Variants in CEP89 observed in about 807,000 individuals in gnomAD.
CEP89 encodes the protein centrosomal protein of 89 kDa.
Under a neutral mutation model 97.6 loss-of-function variants are expected in CEP89, and 95 were observed. The observed-to-expected ratio is 0.97, with a 90% CI of 0.82 to 1.15. CEP89 has a LOEUF of 1.15. CEP89 is among the 50% of genes most tolerant of loss of function. The probability of loss-of-function intolerance (pLI) is 0.00; values close to 1 mark genes in which losing one functional copy is unlikely to be tolerated. For missense variants in CEP89, 869 were observed against 947.7 expected (o/e 0.92, Z 1.09); for synonymous variants, 354 against 349.1 (o/e 1.01, Z -0.16).
At chr19:32,897,326 G>A (rs1284209637) in intron 16 of CEP89, among the ~76,000 whole-genome samples, 1 of 152,206 alleles carries the variant, frequency 6.6e-6, no homozygotes, top group African/African-American at 2.4e-5. Context: ...ACAGTCATGG[G>A]GTCATGGGTG....
chr19:32,889,817 G>A (rs1204975433), intron 16 of CEP89, among the ~76,000 whole-genome samples: 2 of 152,270 alleles, frequency 1.3e-5, no homozygotes, highest in East Asian at 1.9e-4. Flanking sequence ...GGGTTTGTTC[G>A]GCCCTTTAGA....
intron 3 of CEP89, among the ~76,000 whole-genome samples, chr19:32,958,023 G>A (rs866648496): frequency 7.9e-6 from 1 of 126,602 alleles, no homozygotes; most frequent in Non-Finnish European, 1.7e-5. Context: ...TCCCCCCCCC[G>A]CCAAAAAATA....
chr19:32,950,556 C>T (rs1165476690), intron 4 of CEP89, among the ~76,000 whole-genome samples: 1 of 152,110 alleles, frequency 6.6e-6, no homozygotes, highest in Non-Finnish European at 1.5e-5. Flanking sequence ...GAAACTCTGC[C>T]CCCTTCACCC....
At chr19:32,885,244 A>T (rs973749146) in intron 17 of CEP89, among the ~76,000 whole-genome samples, 1 of 152,184 alleles carries the variant, frequency 6.6e-6, no homozygotes, top group Non-Finnish European at 1.5e-5. Context: ...TCCCGCTCTA[A>T]GTCTTATTTT....
intron 9 of CEP89, among the ~76,000 whole-genome samples, chr19:32,928,339 G>A (rs1333891711): frequency 3.3e-5 from 5 of 151,954 alleles, no homozygotes; most frequent in African/African-American, 1.2e-4. Context: ...AAAGAGTACT[G>A]GTTTCTTTTC....
At chr19:32,911,589 T>G (rs1055435719) in intron 14 of CEP89, among the ~76,000 whole-genome samples, 9 of 151,818 alleles carry the variant, frequency 5.9e-5, no homozygotes, top group African/African-American at 2.2e-4. Context: ...GAGGTGGAGG[T>G]TGCAGTGAGC....
chr19:32,879,154 C>T lies in CEP89; in HGVS notation c.*8G>A, dbSNP rs763978785. 1.0e-4 allele frequency: 163 copies of T among 1,601,290 alleles called. 2 individuals are homozygous for T. Among genetic ancestry groups the T allele is most frequent in the Admixed American group, 3.9e-4 (23 of 58,856 alleles). ...CAGAGGAGGCTACACCACGGGCTCC[C>T]GCAGATTCTAGCAGGTGGGGGCATG... On this transcript the variant is annotated 3_prime_UTR_variant, in exon 19 of 19. Coordinates refer to ENST00000305768, the MANE Select transcript of CEP89 (RefSeq NM_032816.5).
chr19:32,968,303 C>T (rs546055784), intron 1 of CEP89, among the ~76,000 whole-genome samples: 2 of 152,320 alleles, frequency 1.3e-5, no homozygotes, highest in South Asian at 2.1e-4. Context: ...GGCTGGAGTG[C>T]GGTGGCACGA....
chr19:32,956,043 T>A lies in CEP89; in HGVS notation c.306-2242A>T, dbSNP rs1044602430. On this transcript the variant is annotated intron_variant, in intron 3 of 18. Coordinates refer to ENST00000305768, the MANE Select transcript of CEP89 (RefSeq NM_032816.5). Reference sequence around the variant, plus strand: ...TTACTTCTGGTATGTCCATTCCAATTTGGTTCTTTTTTTTTTTTTTTTTTT... The same window carrying A: ...TTACTTCTGGTATGTCCATTCCAATATGGTTCTTTTTTTTTTTTTTTTTTT... Among the ~76,000 whole-genome samples, 5 of 137,334 alleles carry A rather than the reference T, an allele frequency of 3.6e-5. No individual in the cohort carries two copies. The East Asian group carries it at 1.1e-3, about 29-fold the overall frequency. The allele number at this position is 137,334 out of a possible 152,430, so 90.1% of individuals were successfully genotyped here.
chr19:32,923,483 C>A lies in CEP89; in HGVS notation c.1224G>T (p.Leu408Phe). 6.2e-7 allele frequency: 1 copy of A among 1,610,922 alleles called. No homozygotes were observed. Among genetic ancestry groups the A allele is most frequent in the Non-Finnish European group, 8.5e-7 (1 of 1,177,304 alleles). ...CACTACTCTTATTTAACTCTTGGTG[C>A]AATTCTTCATTTTCTTTCACCACTT... Reference protein sequence around the residue: ...VQEVVKENEELHQELNKSSAV... With the variant: ...VQEVVKENEEFHQELNKSSAV... Residue 408 changes from leucine (L) to phenylalanine (F), a missense_variant, in exon 12 of 19, where the codon TTG (leucine) becomes TTT (phenylalanine). Coordinates refer to ENST00000305768, the MANE Select transcript of CEP89 (RefSeq NM_032816.5).
intron 7 of CEP89, 157 bp downstream of exon 7, chr19:32,937,474 A>G: frequency 1.5e-6 from 1 of 659,806 alleles, no homozygotes. Flanking sequence ...ACATACGTCC[A>G]CTACCTAGTG....
intron 16 of CEP89, among the ~76,000 whole-genome samples, chr19:32,893,310 A>T (rs1399794518): frequency 6.6e-6 from 1 of 152,186 alleles, no homozygotes; most frequent in Non-Finnish European, 1.5e-5. Flanking sequence ...ATAATAATAA[A>T]GGGATAAATT....
At chr19:32,917,546 T>A (rs1410490879) in intron 13 of CEP89, among the ~76,000 whole-genome samples, 1 of 152,124 alleles carries the variant, frequency 6.6e-6, no homozygotes, top group Non-Finnish European at 1.5e-5. Flanking sequence ...TGTTTCAGCT[T>A]CCCAGCCTAT....
intron 16 of CEP89, among the ~76,000 whole-genome samples, chr19:32,896,345 G>C (rs1307670453): frequency 6.6e-6 from 1 of 152,016 alleles, no homozygotes; most frequent in African/African-American, 2.4e-5. Context: ...TTTCAACAAA[G>C]GCACCAAGAA....
Position 32,879,146 on chromosome 19 carries a change from C to G in CEP89, c.*16G>C. Reference sequence around the variant, plus strand: ...TTTCAGGCCAGAGGAGGCTACACCACGGGCTCCCGCAGATTCTAGCAGGTG... The same window carrying G: ...TTTCAGGCCAGAGGAGGCTACACCAGGGGCTCCCGCAGATTCTAGCAGGTG... On this transcript the variant is annotated 3_prime_UTR_variant, in exon 19 of 19. Coordinates refer to ENST00000305768, the MANE Select transcript of CEP89 (RefSeq NM_032816.5). 6.3e-7 allele frequency: 1 copy of G among 1,590,290 alleles called. No homozygotes were observed. Among genetic ancestry groups the G allele is most frequent in the Non-Finnish European group, 8.6e-7 (1 of 1,166,066 alleles).
At position 32,959,883 on chromosome 19, in the gene CEP89, G is replaced by A. The variant is rs370495135; in HGVS notation, c.305+17C>T. The A allele has an allele frequency of 3.4e-5, 55 of 1,613,306 alleles. No individual in the cohort carries two copies. The highest frequency in any genetic ancestry group is 1.5e-4 in the Admixed American group (9 of 59,956). The stretch of plus-strand genomic sequence containing the variant: ...TTCCACTCTCAGAGGAAGCAGAGGC[G>A]GCGATCTGGTACCTACCGAGGCCTC... On this transcript the variant is annotated intron_variant, in intron 3 of 18. Coordinates refer to ENST00000305768, the MANE Select transcript of CEP89 (RefSeq NM_032816.5).
rs115700149 is a variant in CEP89, at chr19:32,879,405, C to T, written c.2136-27G>A. 6.6e-5 allele frequency: 104 copies of T among 1,579,610 alleles called. No homozygotes were observed. In the African/African-American group the frequency reaches 1.2e-3, roughly 18 times the overall value. On this transcript the variant is annotated intron_variant, in intron 18 of 18. Transcript: ENST00000305768. Reference sequence around the variant, plus strand: ...TGAGGGAAATAAGTTTAAAATGGCACAATTTTAAAAATAATATAGAGCCCA... The same window carrying T: ...TGAGGGAAATAAGTTTAAAATGGCATAATTTTAAAAATAATATAGAGCCCA...
chr19:32,889,650 G>A (rs867599346), intron 16 of CEP89, among the ~76,000 whole-genome samples: 1 of 152,124 alleles, frequency 6.6e-6, no homozygotes, highest in Non-Finnish European at 1.5e-5. Flanking sequence ...CTTCGTTGTG[G>A]AAGCCTGTGA....
chr19:32,895,327 A>G (rs536501331), intron 16 of CEP89, among the ~76,000 whole-genome samples: 160 of 152,356 alleles, frequency 1.1e-3, no homozygotes, highest in Middle Eastern at 3.4e-3. Context: ...ACACAAATCA[A>G]TAAACATCAT....
Sources: gnomAD v4.1 joint callset for allele counts (sites outside exome capture counted in the v4.1 genomes callset) on GRCh38, gnomAD v4.1.1 for gene constraint, MANE v1.5 for transcripts, NCBI Gene and HGNC (gene_info 2026-07-23, HGNC 2026-07-21) for gene names.